The following FHOD3 variants were observed in gnomAD, a reference collection of about 807,000 sequenced individuals.
FHOD3 encodes the protein formin homology 2 domain containing 3, also known as FH1/FH2 domain-containing protein 3.
Under a neutral mutation model 173.0 loss-of-function variants are expected in FHOD3, and 90 were observed. The observed-to-expected ratio is 0.52, with a 90% CI of 0.44 to 0.62. FHOD3 has a LOEUF of 0.62. FHOD3 is among the 20% of genes least tolerant of loss of function. The probability of loss-of-function intolerance (pLI) is 0.00; values close to 1 mark genes in which losing one functional copy is unlikely to be tolerated. For synonymous variants in FHOD3, 828 were observed against 823.0 expected (o/e 1.01, Z -0.10); for missense variants, 1,945 against 2,034.7 (o/e 0.96, Z 0.85).
chr18:36,439,075 T>A (rs537679592), intron 3 of FHOD3, among the ~76,000 whole-genome samples: 6 of 152,340 alleles, frequency 3.9e-5, no homozygotes, highest in African/African-American at 1.4e-4. Context: ...AGCTTCTAGC[T>A]AGCAGGAGAT....
intron 25 of FHOD3, among the ~76,000 whole-genome samples, chr18:36,756,606 C>T (rs1480481805): frequency 1.3e-5 from 2 of 152,164 alleles, no homozygotes; most frequent in South Asian, 2.1e-4. Context: ...TTGGTTACTG[C>T]TCTCTAGAAG....
chr18:36,684,748 G>A (rs940735238), intron 15 of FHOD3, among the ~76,000 whole-genome samples: 37 of 152,274 alleles, frequency 2.4e-4, no homozygotes, highest in East Asian at 1.4e-3. Flanking sequence ...TCTAGCATTC[G>A]TGTCATCGGA....
intron 3 of FHOD3, among the ~76,000 whole-genome samples, chr18:36,492,841 G>A (rs1218834483): frequency 6.6e-6 from 1 of 152,184 alleles, no homozygotes; most frequent in Non-Finnish European, 1.5e-5. Flanking sequence ...GCTTTGGCAT[G>A]TGTGTGTTTT....
At chr18:36,452,818 G>C (rs1378289721) in intron 3 of FHOD3, among the ~76,000 whole-genome samples, 2 of 151,768 alleles carry the variant, frequency 1.3e-5, no homozygotes, top group African/African-American at 4.8e-5. Context: ...GTGTGTATGT[G>C]TATATATATG....
intron 3 of FHOD3, among the ~76,000 whole-genome samples, chr18:36,469,028 A>G (rs1429766794): frequency 1.3e-5 from 2 of 152,180 alleles, no homozygotes; most frequent in African/African-American, 2.4e-5. Flanking sequence ...AAGAGCTAGG[A>G]AGGAAACTGA....
At chr18:36,660,848 G>T (rs1001948713) in intron 14 of FHOD3, among the ~76,000 whole-genome samples, 4 of 152,174 alleles carry the variant, frequency 2.6e-5, no homozygotes, top group African/African-American at 9.7e-5. Context: ...CAGCAGTGGT[G>T]GGATGACTCT....
At chr18:36,648,659 G>C (rs949098437) in intron 10 of FHOD3, among the ~76,000 whole-genome samples, 2 of 152,122 alleles carry the variant, frequency 1.3e-5, no homozygotes, top group African/African-American at 4.8e-5. Flanking sequence ...AGTCATCCCT[G>C]ATGGTACCAG....
intron 3 of FHOD3, among the ~76,000 whole-genome samples, chr18:36,490,167 C>CT (rs1281341011): frequency 1.1e-4 from 16 of 152,206 alleles, no homozygotes; most frequent in Admixed American, 5.9e-4. Flanking sequence ...CCTTTACTCT[C>CT]TACCATTCTT....
chr18:36,436,252 C>G (rs2050800928), intron 3 of FHOD3, among the ~76,000 whole-genome samples: 1 of 152,146 alleles, frequency 6.6e-6, no homozygotes, highest in African/African-American at 2.4e-5. Context: ...CCAGCTTGTT[C>G]TCAATTCCTT....
At chr18:36,719,700 ACTGT>A (rs1483163321) in intron 19 of FHOD3, among the ~76,000 whole-genome samples, 1 of 152,196 alleles carries the variant, frequency 6.6e-6, no homozygotes, top group African/African-American at 2.4e-5. Flanking sequence ...TGAGTATGAA[ACTGT>A]CTGAGTCAGG....
chr18:36,539,752 C>A (rs950845543), intron 5 of FHOD3, among the ~76,000 whole-genome samples: 7 of 152,146 alleles, frequency 4.6e-5, no homozygotes, highest in African/African-American at 1.7e-4. Flanking sequence ...TTTTTGAACC[C>A]ATTATGAGTA....
intron 3 of FHOD3, among the ~76,000 whole-genome samples, chr18:36,475,812 A>G (rs1184466751): frequency 6.6e-6 from 1 of 151,416 alleles, no homozygotes; most frequent in Non-Finnish European, 1.5e-5. Context: ...ATACATATAT[A>G]ATTGTAATTC....
At chr18:36,658,234 G>A in intron 14 of FHOD3, 46 bp downstream of exon 14, 1 of 1,331,510 alleles carries the variant, frequency 7.5e-7, no homozygotes, top group Non-Finnish European at 1.0e-6. Context: ...CTCAAGTGAG[G>A]GGAATCAATT....
chr18:36,646,204 G>T (rs919526482), intron 10 of FHOD3, among the ~76,000 whole-genome samples: 1 of 152,084 alleles, frequency 6.6e-6, no homozygotes, highest in African/African-American at 2.4e-5. Flanking sequence ...TAGAAAAATT[G>T]CTGGATACAA....
chr18:36,402,069 AATTGTG>A (rs1448304428), intron 3 of FHOD3, among the ~76,000 whole-genome samples: 1 of 152,196 alleles, frequency 6.6e-6, no homozygotes, highest in Non-Finnish European at 1.5e-5. Flanking sequence ...GTGCTTTTAA[AATTGTG>A]ATTGTTCAAT....
At chr18:36,355,829 A>G (rs149225665) in intron 2 of FHOD3, among the ~76,000 whole-genome samples, 184 bp downstream of exon 2, 3 of 152,328 alleles carry the variant, frequency 2.0e-5, no homozygotes, top group Admixed American at 2.0e-4. Flanking sequence ...ATTTTGAGTA[A>G]CTTTTCTTGA....
chr18:36,564,055 C>T (rs1032161403), intron 5 of FHOD3, among the ~76,000 whole-genome samples: 2 of 152,108 alleles, frequency 1.3e-5, no homozygotes, highest in African/African-American at 4.8e-5. Context: ...TTCCCGGGTT[C>T]ATTGGCCAAG....
intron 3 of FHOD3, among the ~76,000 whole-genome samples, chr18:36,458,120 CT>C (rs373580766): frequency 9.9e-5 from 15 of 152,082 alleles, no homozygotes; most frequent in African/African-American, 3.4e-4. Context: ...AGAAAGGGTT[CT>C]GGATTAAACC....
At chr18:36,716,604 G>A (rs1360830900) in intron 18 of FHOD3, among the ~76,000 whole-genome samples, 2 of 152,174 alleles carry the variant, frequency 1.3e-5, no homozygotes, top group African/African-American at 2.4e-5. Flanking sequence ...TGATAAGGAG[G>A]AAGCAGCAAC....
Sources: gnomAD v4.1 joint callset for allele counts (sites outside exome capture counted in the v4.1 genomes callset) on GRCh38, gnomAD v4.1.1 for gene constraint, MANE v1.5 for transcripts, NCBI Gene and HGNC (gene_info 2026-07-23, HGNC 2026-07-21) for gene names.